The following RBFOX3 variants were observed in gnomAD, a reference collection of about 807,000 sequenced individuals.
The protein encoded by RBFOX3 is RNA binding fox-1 homolog 3.
RBFOX3 carries 17 observed loss-of-function variants against 48.7 expected under a neutral mutation model. The observed-to-expected ratio is 0.35, with a 90% CI of 0.24 to 0.52. The LOEUF (loss-of-function observed/expected upper bound fraction) is 0.52. Ranked by LOEUF, RBFOX3 falls within the 20% of genes least tolerant of loss-of-function variation. RBFOX3 has a pLI of 0.94. For missense variants in RBFOX3, 382 were observed against 497.5 expected (o/e 0.77, Z 2.21); for synonymous variants, 212 against 209.5 (o/e 1.01, Z -0.10).
At chr17:79,320,667 C>T (rs992235304) in intron 2 of RBFOX3, among the ~76,000 whole-genome samples, 9 of 152,134 alleles carry the variant, frequency 5.9e-5, no homozygotes, top group Admixed American at 5.9e-4. Flanking sequence ...TGGAGAGTGG[C>T]TGCTCACCAC....
chr17:79,532,655 G>T (rs1599062395), intron 1 of RBFOX3, among the ~76,000 whole-genome samples: 1 of 152,238 alleles, frequency 6.6e-6, no homozygotes, highest in Non-Finnish European at 1.5e-5. Context: ...GCGGCCAGGG[G>T]CCCCTGCCTC....
At chr17:79,221,368 C>T (rs1459916179) in intron 4 of RBFOX3, among the ~76,000 whole-genome samples, 4 of 152,256 alleles carry the variant, frequency 2.6e-5, no homozygotes, top group African/African-American at 9.6e-5. Context: ...GCCCAGAGGC[C>T]GGTTAGTGTT....
chr17:79,306,094 T>C (rs1600532348), intron 3 of RBFOX3, among the ~76,000 whole-genome samples: 2 of 152,336 alleles, frequency 1.3e-5, no homozygotes, highest in South Asian at 4.1e-4. Flanking sequence ...ATCTAGCCGA[T>C]AGGGCTCCAT....
rs1317928475 is a variant in RBFOX3 at position 79,443,710 on chromosome 17, C to T, written c.-175+38744G>A. Among the ~76,000 whole-genome samples, 2 of 152,214 alleles carry T rather than the reference C, an allele frequency of 1.3e-5. No homozygotes were observed. Among genetic ancestry groups the T allele is most frequent in the Non-Finnish European group, 1.5e-5 (1 of 68,032 alleles). Reference sequence around the variant, plus strand: ...TCACTGTCTCACATGTGCACACACTCGTTCTCACATGCTCACACTACTTGG... The same window carrying T: ...TCACTGTCTCACATGTGCACACACTTGTTCTCACATGCTCACACTACTTGG... On this transcript the variant is annotated intron_variant, in intron 2 of 14. Coordinates refer to ENST00000693108, the MANE Select transcript of RBFOX3 (RefSeq NM_001350451.2). The surrounding 1 kb of genome is among the most constrained non-coding windows in gnomAD (Gnocchi z 4.4).
chr17:79,138,952 C>CACATGCGTTCACA (rs1568207913), intron 4 of RBFOX3, among the ~76,000 whole-genome samples: 3 of 41,476 alleles, frequency 7.2e-5, no homozygotes, highest in African/African-American at 3.8e-4. Flanking sequence ...CCCCCCTCAG[C>CACATGCGTTCACA]CCCACACATG....
chr17:79,274,763 C>T (rs1355341361), intron 3 of RBFOX3, among the ~76,000 whole-genome samples: 1 of 152,094 alleles, frequency 6.6e-6, no homozygotes, highest in Non-Finnish European at 1.5e-5. Context: ...CCCCTGCCTG[C>T]AGCTTCAGCG....
At chr17:79,459,020 G>A (rs1375699209) in intron 2 of RBFOX3, among the ~76,000 whole-genome samples, 7 of 152,136 alleles carry the variant, frequency 4.6e-5, no homozygotes, top group East Asian at 1.9e-4. Context: ...TGCCCACTTC[G>A]TCCTTCTCAG....
intron 1 of RBFOX3, among the ~76,000 whole-genome samples, chr17:79,509,291 T>C (rs192697): frequency 0.97 from 147,691 of 152,200 alleles, 71,689 homozygotes; most frequent in Middle Eastern, 0.99. Context: ...TGTCTCTCTC[T>C]AGGACGCTGG....
At chr17:79,447,009 C>T (rs1475298513) in intron 2 of RBFOX3, among the ~76,000 whole-genome samples, 1 of 152,250 alleles carries the variant, frequency 6.6e-6, no homozygotes, top group Non-Finnish European at 1.5e-5. Context: ...ACAGCCAAAG[C>T]CTACCTTGGG....
At chr17:79,517,253 C>A (rs2149942186) in intron 1 of RBFOX3, among the ~76,000 whole-genome samples, 1 of 152,062 alleles carries the variant, frequency 6.6e-6, no homozygotes, top group Non-Finnish European at 1.5e-5. Flanking sequence ...TAAGACCAGC[C>A]TGACCGACAT....
intron 1 of RBFOX3, among the ~76,000 whole-genome samples, chr17:79,542,165 A>G (rs1555790552): frequency 1.3e-5 from 2 of 151,670 alleles, no homozygotes; most frequent in African/African-American, 4.8e-5. Flanking sequence ...TTTTCAATGG[A>G]TATTTACAAA....
chr17:79,116,354 A>T lies in RBFOX3; in HGVS notation c.-33-606T>A, dbSNP rs189844688. On this transcript the variant is annotated intron_variant, in intron 4 of 14. Transcript: ENST00000693108. ...ACATGGTGAAACCCCATCTCTACTA[A>T]AAATACAAAAATTAGCGGGATGTGG... is the stretch of plus-strand genomic sequence containing the variant. Among the ~76,000 whole-genome samples the T allele has an allele frequency of 5.5e-4, 83 of 152,290 alleles. No homozygotes were observed. The East Asian group carries it at 6.2e-3, about 11-fold the overall frequency.
chr17:79,628,141 A>T, the RBFOX3 span, among the ~76,000 whole-genome samples: 1 of 150,712 alleles, frequency 6.6e-6, no homozygotes, highest in East Asian at 1.9e-4. Context: ...AGGACCCCCA[A>T]CTCCAAACAA....
intron 2 of RBFOX3, among the ~76,000 whole-genome samples, chr17:79,330,943 C>T (rs553976203): frequency 1.3e-5 from 2 of 152,286 alleles, no homozygotes; most frequent in African/African-American, 2.4e-5. Context: ...CACTGGGTCT[C>T]GGATCCTTGT....
chr17:79,577,897 G>A (rs1028702133), intron 1 of RBFOX3, among the ~76,000 whole-genome samples: 3 of 152,238 alleles, frequency 2.0e-5, no homozygotes, highest in South Asian at 2.1e-4. Flanking sequence ...CCCCTGGTGC[G>A]AGGGTGGCTC....
chr17:79,370,681 C>T (rs2058419441), intron 2 of RBFOX3, among the ~76,000 whole-genome samples: 1 of 152,130 alleles, frequency 6.6e-6, no homozygotes. Flanking sequence ...CACATGTACA[C>T]ATCTCTCATA....
At chr17:79,353,429 G>T (rs2084341667) in intron 2 of RBFOX3, among the ~76,000 whole-genome samples, 1 of 152,222 alleles carries the variant, frequency 6.6e-6, no homozygotes, top group African/African-American at 2.4e-5. Context: ...TGCCCAACCT[G>T]GGTGATGAGC....
In RBFOX3 at chr17:79,297,009, C is replaced by T. The variant is rs548133861; in HGVS notation, c.-74+10715G>A. Among the ~76,000 whole-genome samples, 261 of 149,978 alleles carry T rather than the reference C, an allele frequency of 1.7e-3. 2 individuals are homozygous for T. Among genetic ancestry groups the T allele is most frequent in the Middle Eastern group, 0.014 (4 of 292 alleles). ...TCCTCCCCATCCCCTCTTCTTTCTC[C>T]TCCTGCCCCTCCTCTCCCCAGCAGC... On this transcript the variant is annotated intron_variant, in intron 3 of 14. Coordinates refer to ENST00000693108, the MANE Select transcript of RBFOX3 (RefSeq NM_001350451.2).
chr17:79,119,766 A>C (rs1568167226), intron 4 of RBFOX3, among the ~76,000 whole-genome samples: 1 of 152,134 alleles, frequency 6.6e-6, no homozygotes, highest in Non-Finnish European at 1.5e-5. Flanking sequence ...TGTGTCCTCC[A>C]CAGCTGTGCT....
Sources: allele counts gnomAD v4.1 joint callset (sites outside exome capture counted in the v4.1 genomes callset), GRCh38; gene constraint gnomAD v4.1.1; non-coding constraint Gnocchi (gnomAD v3.1); transcripts MANE v1.5; gene names NCBI Gene and HGNC (gene_info 2026-07-23, HGNC 2026-07-21).